The following DYNC2H1 variants were observed in gnomAD, a reference collection of about 807,000 sequenced individuals.
DYNC2H1 encodes the protein dynein cytoplasmic 2 heavy chain 1, also known as cytoplasmic dynein 2 heavy chain 1.
Under a neutral mutation model 570.0 loss-of-function variants are expected in DYNC2H1, and 410 were observed. The ratio of observed to expected loss-of-function variants is 0.72; its 90% CI spans 0.66 to 0.78. The LOEUF is 0.78. Among genes scored for constraint, DYNC2H1 ranks in the 30% least tolerant of loss-of-function variants. The pLI is 0.00. For synonymous variants in DYNC2H1, 1,688 were observed against 1,677.6 expected, an observed-to-expected ratio of 1.01 and a Z score of -0.15; for missense variants, 4,865 against 5,046.4, an observed-to-expected ratio of 0.96 and a Z score of 1.09.
chr11:103,282,111 A>G, intron 71 of DYNC2H1, 68 bp from the exon 72 acceptor site: 1 of 1,449,888 alleles, frequency 6.9e-7, no homozygotes, highest in Non-Finnish European at 9.5e-7. Flanking sequence ...CTTATAAGGA[A>G]AGTTAGACAA....
intron 65 of DYNC2H1, among the ~76,000 whole-genome samples, chr11:103,246,314 T>G (rs1326198053): frequency 6.6e-6 from 1 of 151,990 alleles, no homozygotes; most frequent in Non-Finnish European, 1.5e-5. Context: ...TATGATATCT[T>G]AAGGAGGAGG....
intron 54 of DYNC2H1, among the ~76,000 whole-genome samples, chr11:103,212,255 T>G (rs1863185777): frequency 6.6e-6 from 1 of 152,042 alleles, no homozygotes; most frequent in Admixed American, 6.6e-5. Flanking sequence ...GAAAACTCTG[T>G]TATTCAGCAT....
intron 59 of DYNC2H1, among the ~76,000 whole-genome samples, 173 bp from the exon 60 acceptor site, chr11:103,231,087 G>A (rs562358575): frequency 6.6e-6 from 1 of 152,162 alleles, no homozygotes; most frequent in South Asian, 2.1e-4. Context: ...TGGGTCAGAG[G>A]AAACACTTCT....
intron 83 of DYNC2H1, among the ~76,000 whole-genome samples, chr11:103,397,959 T>A (rs1942466076): frequency 6.6e-6 from 1 of 152,226 alleles, no homozygotes; most frequent in Non-Finnish European, 1.5e-5. Context: ...ATAAATGGAA[T>A]CTTGCTTCAA....
At position 103,456,295 on chromosome 11, in the gene DYNC2H1, ATAGCCTTAAATTTG is replaced by A; in HGVS notation, c.12594_12607del (p.Lys4199MetfsTer13). On this transcript the variant is annotated frameshift_variant, in exon 87 of 89. Coordinates refer to ENST00000375735, the MANE Select transcript of DYNC2H1 (RefSeq NM_001377.3). LOFTEE classifies it high-confidence loss of function. ...TACAGGGCAGTGGGTCGTTCTGTGG[ATAGCCTTAAATTTG>A]TAGCCTCATGGAAAGGTCGACTGCA... 1 of 1,609,258 alleles carries A rather than the reference ATAGCCTTAAATTTG, an allele frequency of 6.2e-7. No homozygotes were observed. Among genetic ancestry groups the A allele is most frequent in the Non-Finnish European group, 8.5e-7 (1 of 1,177,366 alleles).
At chr11:103,315,202 G>A (rs1937755087) in intron 79 of DYNC2H1, among the ~76,000 whole-genome samples, 1 of 151,970 alleles carries the variant, frequency 6.6e-6, no homozygotes, top group African/African-American at 2.4e-5. Context: ...ATATCCAGTT[G>A]GATGTCTCAA....
At chr11:103,113,888 G>T (rs972575271) in intron 2 of DYNC2H1, among the ~76,000 whole-genome samples, 181 bp downstream of exon 2, 7 of 152,008 alleles carry the variant, frequency 4.6e-5, no homozygotes, top group African/African-American at 1.7e-4. Context: ...TAGAGAAATT[G>T]GAGAAAGGTA....
At position 103,451,480 on chromosome 11, in the gene DYNC2H1, G is replaced by A. The variant is rs557102454; in HGVS notation, c.12457-3706G>A. On this transcript the variant is annotated intron_variant, in intron 85 of 88. Transcript: ENST00000375735. ...CCCAAGTAGCTGGGGCTACAGGCGC[G>A]TGCCACCACGCCTGGCTAATTTTTG... Among the ~76,000 whole-genome samples, 45 of 151,838 alleles carry A rather than the reference G, an allele frequency of 3.0e-4. No homozygotes were observed. The South Asian group carries it at 3.7e-3, about 13-fold the overall frequency.
intron 72 of DYNC2H1, 113 bp from the exon 73 acceptor site, chr11:103,282,895 A>C (rs1006650067): frequency 1.9e-5 from 14 of 730,008 alleles, no homozygotes; most frequent in Non-Finnish European, 2.9e-5. Context: ...AATATAAAGA[A>C]ATAATGCATA....
rs3847577 is a variant in DYNC2H1 at position 103,305,948 on chromosome 11, G to A, written c.11382+1228G>A. On this transcript the variant is annotated intron_variant, in intron 77 of 88. Transcript: ENST00000375735. This position sits in a 1 kb window ranked among gnomAD's most constrained non-coding sequence, Gnocchi z 4.3. ...TTTTTTTGAGACAGAATCTTGCTCTGTTACCCAGGCTGGAGTGCAGTGGCA... is the reference window on the plus strand; with the variant it reads ...TTTTTTTGAGACAGAATCTTGCTCTATTACCCAGGCTGGAGTGCAGTGGCA... 0.17 allele frequency among the ~76,000 whole-genome samples: 26,244 copies of A among 152,040 alleles called. 2,456 individuals carry two copies. Among genetic ancestry groups the A allele is most frequent in the Admixed American group, 0.26 (3,967 of 15,276 alleles).
chr11:103,410,278 T>C (rs1468375153), intron 84 of DYNC2H1, among the ~76,000 whole-genome samples: 1 of 151,974 alleles, frequency 6.6e-6, no homozygotes, highest in Admixed American at 6.6e-5. Context: ...GGTTTACTGC[T>C]AAATCCTCCT....
At position 103,386,448 on chromosome 11, in the gene DYNC2H1, C is replaced by T. The variant is rs539679276; in HGVS notation, c.12157-13215C>T. ...TGGGCTCTCCTCATACTTTAAAACA[C>T]ACCACACACACACACACACAAAAGT... On this transcript the variant is annotated intron_variant, in intron 83 of 88. Coordinates refer to ENST00000375735, the MANE Select transcript of DYNC2H1 (RefSeq NM_001377.3). 2.8e-5 allele frequency among the ~76,000 whole-genome samples: 4 copies of T among 141,340 alleles called. No homozygotes were observed. In the South Asian group the frequency reaches 9.1e-4, roughly 32 times the overall value. 92.7% of individuals were successfully genotyped at this position (141,340 alleles called of 152,430 possible). A position where few individuals can be genotyped will look rare whatever the true frequency, so the allele number is the denominator to read the frequency against.
chr11:103,316,097 TTTAG>T (rs1227409582), intron 79 of DYNC2H1, among the ~76,000 whole-genome samples: 1 of 152,036 alleles, frequency 6.6e-6, no homozygotes, highest in Non-Finnish European at 1.5e-5. Flanking sequence ...TATAATTTTA[TTTAG>T]TTCTGATACG....
At chr11:103,272,029 T>C (rs1350508155) in intron 70 of DYNC2H1, among the ~76,000 whole-genome samples, 1 of 152,166 alleles carries the variant, frequency 6.6e-6, no homozygotes, top group Non-Finnish European at 1.5e-5. Flanking sequence ...TCCTCAAGGA[T>C]CTAGAACTAG....
chr11:103,311,874 C>T lies in DYNC2H1; in HGVS notation c.11494-4C>T. 3 of 1,594,186 alleles carry T rather than the reference C, an allele frequency of 1.9e-6. No homozygotes were observed. Among genetic ancestry groups the T allele is most frequent in the South Asian group, 1.2e-5 (1 of 86,488 alleles). Reference sequence around the variant, plus strand: ...AATAGGATGTCTGTTGATTTTTTTTCTAGTCACCTCCAGGTTTAAAGAAGA... The same window carrying T: ...AATAGGATGTCTGTTGATTTTTTTTTTAGTCACCTCCAGGTTTAAAGAAGA... On this transcript the variant is annotated splice_polypyrimidine_tract_variant and splice_region_variant and intron_variant, in intron 78 of 88. Coordinates refer to ENST00000375735, the MANE Select transcript of DYNC2H1 (RefSeq NM_001377.3).
intron 75 of DYNC2H1, among the ~76,000 whole-genome samples, chr11:103,295,627 G>A (rs1215696287): frequency 1.3e-5 from 2 of 152,172 alleles, no homozygotes; most frequent in African/African-American, 4.8e-5. Flanking sequence ...CAGCCACCTG[G>A]GCACCATAGT....
intron 6 of DYNC2H1, 45 bp from the exon 7 acceptor site, chr11:103,120,402 T>C (rs1858640633): frequency 6.7e-7 from 1 of 1,482,028 alleles, no homozygotes; most frequent in South Asian, 1.5e-5. Flanking sequence ...TTTATGCAAA[T>C]GGTTGGATTT....
At chr11:103,428,810 A>T (rs941066633) in intron 84 of DYNC2H1, among the ~76,000 whole-genome samples, 2 of 151,464 alleles carry the variant, frequency 1.3e-5, no homozygotes, top group Admixed American at 6.6e-5. Context: ...GCATATATCA[A>T]TTTTTTTTTC....
intron 83 of DYNC2H1, among the ~76,000 whole-genome samples, chr11:103,358,582 T>A (rs913205075): frequency 6.6e-6 from 1 of 152,200 alleles, no homozygotes; most frequent in African/African-American, 2.4e-5. Context: ...AAATAAGTAA[T>A]CATATTCACA....
Sources: allele counts gnomAD v4.1 joint callset (sites outside exome capture counted in the v4.1 genomes callset), GRCh38; gene constraint gnomAD v4.1.1; non-coding constraint Gnocchi (gnomAD v3.1); transcripts MANE v1.5; gene names NCBI Gene and HGNC (gene_info 2026-07-23, HGNC 2026-07-21).